The following SAMD12 variants were observed in gnomAD, a reference collection of about 807,000 sequenced individuals.
The protein encoded by SAMD12 is sterile alpha motif domain containing 12.
A neutral mutation model predicts 15.0 loss-of-function variants in SAMD12; 9 were observed. The observed-to-expected ratio is 0.60, with a 90% CI of 0.36 to 1.05. The LOEUF is 1.05. SAMD12 is among the 50% of genes least tolerant of loss of function. The pLI is 0.01. For synonymous variants in SAMD12, 86 were observed against 90.1 expected (o/e 0.96, Z 0.25); for missense variants, 230 against 234.2 (o/e 0.98, Z 0.12).
intron 4 of SAMD12, among the ~76,000 whole-genome samples, chr8:118,315,044 A>C (rs1815822270): frequency 6.6e-6 from 1 of 152,150 alleles, no homozygotes; most frequent in Non-Finnish European, 1.5e-5. Context: ...GTGTCTTCCT[A>C]CTCATACTTA....
intron 2 of SAMD12, among the ~76,000 whole-genome samples, chr8:118,459,209 G>A (rs1823345049): frequency 6.6e-6 from 1 of 151,990 alleles, no homozygotes; most frequent in Non-Finnish European, 1.5e-5. Flanking sequence ...GGGATTACAG[G>A]TGCCTGCTAC....
intron 2 of SAMD12, among the ~76,000 whole-genome samples, chr8:118,446,303 T>G (rs925166912): frequency 6.6e-6 from 1 of 151,990 alleles, no homozygotes. Context: ...AATTTCTAAA[T>G]GCTGTGACCA....
At chr8:118,349,079 G>A (rs1817819811) in intron 4 of SAMD12, among the ~76,000 whole-genome samples, 6 of 152,182 alleles carry the variant, frequency 3.9e-5, no homozygotes, top group Admixed American at 3.9e-4. Flanking sequence ...TTGGAGAAAG[G>A]TACCTCACAA....
chr8:118,577,636 G>A (rs1827185926), intron 2 of SAMD12, among the ~76,000 whole-genome samples: 1 of 152,144 alleles, frequency 6.6e-6, no homozygotes, highest in Admixed American at 6.5e-5. Flanking sequence ...TAATCAGTCA[G>A]AAGCAAACAG....
chr8:118,595,359 A>C (rs1481049527), intron 1 of SAMD12, among the ~76,000 whole-genome samples: 1 of 152,078 alleles, frequency 6.6e-6, no homozygotes, highest in Admixed American at 6.5e-5. Context: ...ATTAAAAAAC[A>C]AACAAAAAAG....
At chr8:118,399,809 T>C (rs956971698) in intron 3 of SAMD12, among the ~76,000 whole-genome samples, 7 of 152,084 alleles carry the variant, frequency 4.6e-5, no homozygotes, top group African/African-American at 1.4e-4. Context: ...ACCCAATCGA[T>C]TGTCAGACAC....
chr8:118,544,715 A>AGAAAGG (rs1826076571), intron 2 of SAMD12, among the ~76,000 whole-genome samples: 1 of 152,164 alleles, frequency 6.6e-6, no homozygotes, highest in Non-Finnish European at 1.5e-5. Context: ...CTCAACCTTC[A>AGAAAGG]TTCCCTGCTA....
chr8:118,414,373 T>C (rs764191360), intron 3 of SAMD12, among the ~76,000 whole-genome samples: 6 of 145,002 alleles, frequency 4.1e-5, no homozygotes, highest in Non-Finnish European at 7.7e-5. Flanking sequence ...TTAGTGACAA[T>C]GTACCACATC....
intron 2 of SAMD12, among the ~76,000 whole-genome samples, chr8:118,567,642 A>C (rs1421577337): frequency 6.6e-6 from 1 of 152,238 alleles, no homozygotes; most frequent in Admixed American, 6.5e-5. Flanking sequence ...ATTTGGCTTC[A>C]GCCTTGGTTT....
rs770885511 is a variant in SAMD12 at position 118,547,558 on chromosome 8, T to C, written c.192+33157A>G. Among the ~76,000 whole-genome samples the C allele has an allele frequency of 2.0e-5, 3 of 152,196 alleles. No homozygotes were observed. In the South Asian group the frequency reaches 6.2e-4, roughly 32 times the overall value. On this transcript the variant is annotated intron_variant, in intron 2 of 3. Coordinates refer to ENST00000314727, the MANE Select transcript of SAMD12 (RefSeq NM_207506.3). ...ACACAGTACTTAGCACAAGTAAGTGTACAATACAGGTTGGGCAAAGTATTA... is the reference window on the plus strand; with the variant it reads ...ACACAGTACTTAGCACAAGTAAGTGCACAATACAGGTTGGGCAAAGTATTA...
chr8:118,223,370 T>C (rs1812121857), intron 4 of SAMD12, among the ~76,000 whole-genome samples: 1 of 152,204 alleles, frequency 6.6e-6, no homozygotes, highest in Admixed American at 6.5e-5. Flanking sequence ...CTATCTCCTG[T>C]AGCATCTGGG....
At chr8:118,312,647 G>C (rs1815687999) in intron 4 of SAMD12, among the ~76,000 whole-genome samples, 1 of 152,136 alleles carries the variant, frequency 6.6e-6, no homozygotes, top group Non-Finnish European at 1.5e-5. Flanking sequence ...TAAACCACTT[G>C]TAGAGTGAAT....
intron 1 of SAMD12, among the ~76,000 whole-genome samples, chr8:118,616,182 G>A (rs1459513769): frequency 6.6e-6 from 1 of 152,230 alleles, no homozygotes. Context: ...GCAGGGATAA[G>A]TACCTATGAG....
In SAMD12 at chr8:118,378,999, A is replaced by G. The variant is rs1271005978; in HGVS notation, c.*418T>C. ...CAAGAAGCTAAATGGGGTTCTTACA[A>G]TCTCTAAAGTGTGTGTGTATAATAC... is the stretch of plus-strand genomic sequence containing the variant. On this transcript the variant is annotated 3_prime_UTR_variant, in exon 4 of 4. Coordinates refer to ENST00000314727, the MANE Select transcript of SAMD12 (RefSeq NM_207506.3). 2.0e-6 allele frequency: 2 copies of G among 981,108 alleles called. No individual in the cohort carries two copies. The highest frequency in any genetic ancestry group is 2.4e-6 in the Non-Finnish European group (2 of 823,046). 60.8% of individuals were successfully genotyped at this position (981,108 alleles called of 1,614,324 possible). A position where few individuals can be genotyped will look rare whatever the true frequency, so the allele number is the denominator to read the frequency against.
chr8:118,212,539 T>G (rs1811859772), intron 4 of SAMD12, among the ~76,000 whole-genome samples: 1 of 152,218 alleles, frequency 6.6e-6, no homozygotes, highest in Admixed American at 6.5e-5. Context: ...CACCTTCATC[T>G]ACTTGTAATA....
intron 3 of SAMD12, among the ~76,000 whole-genome samples, chr8:118,398,326 C>A (rs888397583): frequency 1.3e-5 from 2 of 152,046 alleles, no homozygotes; most frequent in Admixed American, 6.6e-5. Context: ...TTGAACCTGG[C>A]CGATGCAGGT....
At chr8:118,581,124 A>C (rs1298896815) in intron 1 of SAMD12, among the ~76,000 whole-genome samples, 3 of 152,180 alleles carry the variant, frequency 2.0e-5, no homozygotes, top group Non-Finnish European at 2.9e-5. Flanking sequence ...CTCAATTCCA[A>C]GTTGTTTGAC....
chr8:118,214,095 G>C (rs1811900991), intron 4 of SAMD12, among the ~76,000 whole-genome samples: 1 of 152,092 alleles, frequency 6.6e-6, no homozygotes, highest in African/African-American at 2.4e-5. Flanking sequence ...TCTGTTGGTG[G>C]TCCCAAGAAA....
chr8:118,139,888 A>C, the SAMD12 span, among the ~76,000 whole-genome samples: 2 of 152,172 alleles, frequency 1.3e-5, no homozygotes, highest in Non-Finnish European at 2.9e-5. Flanking sequence ...TAGGGTGATA[A>C]GCACATTTTC....
Sources: allele counts gnomAD v4.1 joint callset (sites outside exome capture counted in the v4.1 genomes callset), GRCh38; gene constraint gnomAD v4.1.1; transcripts MANE v1.5; gene names NCBI Gene and HGNC (gene_info 2026-07-23, HGNC 2026-07-21).